The following R3HCC1L variants were observed in gnomAD, a reference collection of about 807,000 sequenced individuals.
The protein encoded by R3HCC1L is R3H domain and coiled-coil containing 1 like, also known as coiled-coil domain-containing protein R3HCC1L.
R3HCC1L carries 51 observed loss-of-function variants against 59.9 expected under a neutral mutation model. The ratio of observed to expected loss-of-function variants is 0.85; its 90% CI spans 0.68 to 1.07. The LOEUF is 1.07. Among genes scored for constraint, R3HCC1L ranks in the 50% least tolerant of loss-of-function variants. The probability of loss-of-function intolerance (pLI) is 0.00; values close to 1 mark genes in which losing one functional copy is unlikely to be tolerated. For missense variants in R3HCC1L, 965 were observed against 933.0 expected (o/e 1.03, Z -0.45); for synonymous variants, 322 against 315.2 (o/e 1.02, Z -0.23).
At position 98,234,526 on chromosome 10, in the gene R3HCC1L, C is replaced by A; in HGVS notation, c.2032+10C>A. 1 of 1,603,406 alleles carries A rather than the reference C, an allele frequency of 6.2e-7. No individual in the cohort carries two copies. Among genetic ancestry groups the A allele is most frequent in the Non-Finnish European group, 8.5e-7 (1 of 1,172,128 alleles). On this transcript the variant is annotated intron_variant, in intron 7 of 9. Coordinates refer to ENST00000298999, the MANE Select transcript of R3HCC1L (RefSeq NM_001351015.2). ...TCCAGTCCAATTACAGGTATTCACCCAGTGGCTTTCAATCTTCCTTTCTTA... is the reference window on the plus strand; with the variant it reads ...TCCAGTCCAATTACAGGTATTCACCAAGTGGCTTTCAATCTTCCTTTCTTA...
At chr10:98,188,158 C>T (rs1397927452) in intron 4 of R3HCC1L, among the ~76,000 whole-genome samples, 2 of 152,124 alleles carry the variant, frequency 1.3e-5, no homozygotes, top group Non-Finnish European at 2.9e-5. Context: ...GGCACATTTG[C>T]TTTTGTGCTC....
rs1853052059 is a variant in R3HCC1L at position 98,208,592 on chromosome 10, AG to A, written c.480del (p.Ile161TyrfsTer8). The part of the protein sequence containing the change: ...VETTDVTGHE[R>X]ILLSQACLEI... ...AACTACGGATGTGACAGGACATGAG[AG>A]GATACTTCTTTCACAGGCCTGTTTA... On this transcript the variant is annotated frameshift_variant, in exon 5 of 10. Transcript: ENST00000298999. LOFTEE classifies it high-confidence loss of function. The A allele has an allele frequency of 6.2e-7, 1 of 1,614,134 alleles. No homozygotes were observed. The highest frequency in any genetic ancestry group is 8.5e-7 in the Non-Finnish European group (1 of 1,180,020).
At chr10:98,138,427 C>T (rs1844803122) in intron 1 of R3HCC1L, among the ~76,000 whole-genome samples, 1 of 151,940 alleles carries the variant, frequency 6.6e-6, no homozygotes, top group Non-Finnish European at 1.5e-5. Flanking sequence ...CCTGGTAGCT[C>T]ACTCTTGTAC....
intron 5 of R3HCC1L, among the ~76,000 whole-genome samples, 190 bp downstream of exon 5, chr10:98,210,089 C>G (rs1853393629): frequency 6.6e-6 from 1 of 152,086 alleles, no homozygotes; most frequent in Admixed American, 6.6e-5. Flanking sequence ...TGAGCTGTAT[C>G]TATAATAGCC....
At chr10:98,169,903 T>TTTC (rs776562723) in intron 4 of R3HCC1L, among the ~76,000 whole-genome samples, 2 of 145,522 alleles carry the variant, frequency 1.4e-5, no homozygotes, top group Admixed American at 6.9e-5. Context: ...TTTTTTTTTT[T>TTTC]GGAGTGAGTG....
intron 4 of R3HCC1L, among the ~76,000 whole-genome samples, chr10:98,168,374 A>T (rs1288852297): frequency 6.6e-6 from 1 of 152,204 alleles, no homozygotes; most frequent in African/African-American, 2.4e-5. Flanking sequence ...ACTGTTTCCC[A>T]GCCTATAAAG....
chr10:98,241,537 T>G (rs1388262311), intron 9 of R3HCC1L, among the ~76,000 whole-genome samples: 2 of 152,230 alleles, frequency 1.3e-5, no homozygotes, highest in Admixed American at 6.5e-5. Flanking sequence ...CTATTTTTTC[T>G]TAATTCCTTG....
At chr10:98,232,668 A>G (rs1180390956) in intron 6 of R3HCC1L, among the ~76,000 whole-genome samples, 1 of 152,234 alleles carries the variant, frequency 6.6e-6, no homozygotes, top group Non-Finnish European at 1.5e-5. Context: ...GTGATATAAC[A>G]AATTTAAATT....
rs185314624 is a variant in R3HCC1L, at chr10:98,179,978, A to T, written c.-15+16581A>T. ...TCTTTATTAGTCTTGCTAGTGGTCT[A>T]TCAATTTTGTTGACCTTTTCAAAAA... is the stretch of plus-strand genomic sequence containing the variant. On this transcript the variant is annotated intron_variant, in intron 4 of 9. Coordinates refer to ENST00000298999, the MANE Select transcript of R3HCC1L (RefSeq NM_001351015.2). Among the ~76,000 whole-genome samples the T allele has an allele frequency of 1.1e-3, 170 of 152,230 alleles. 1 individual carries two copies. The highest frequency in any genetic ancestry group is 4.0e-3 in the African/African-American group (167 of 41,514).
intron 4 of R3HCC1L, among the ~76,000 whole-genome samples, chr10:98,203,973 CAG>C (rs1852333256): frequency 6.6e-6 from 1 of 152,136 alleles, no homozygotes; most frequent in Non-Finnish European, 1.5e-5. Flanking sequence ...GATTTTTGAA[CAG>C]AGTGCATGCT....
At chr10:98,227,782 C>T (rs928707637) in intron 5 of R3HCC1L, among the ~76,000 whole-genome samples, 1 of 146,550 alleles carries the variant, frequency 6.8e-6, no homozygotes, top group Non-Finnish European at 1.5e-5. Flanking sequence ...CTTCCTGTGT[C>T]CAAGTGTTCT....
chr10:98,138,221 A>C (rs1339163194), intron 1 of R3HCC1L, among the ~76,000 whole-genome samples: 1 of 152,000 alleles, frequency 6.6e-6, no homozygotes, highest in Non-Finnish European at 1.5e-5. Flanking sequence ...CTCTTTTTTG[A>C]TGTGGTATGC....
chr10:98,202,991 G>T (rs939787711), intron 4 of R3HCC1L, among the ~76,000 whole-genome samples: 1 of 152,144 alleles, frequency 6.6e-6, no homozygotes, highest in Non-Finnish European at 1.5e-5. Context: ...GGCACTACCT[G>T]ACCCTAACTG....
At chr10:98,243,907 C>T (rs748617480) in intron 9 of R3HCC1L, among the ~76,000 whole-genome samples, 184 bp from the exon 10 acceptor site, 5 of 152,112 alleles carry the variant, frequency 3.3e-5, no homozygotes, top group Non-Finnish European at 2.9e-5. Context: ...TAATGACTTA[C>T]AGTAGTATCA....
intron 2 of R3HCC1L, among the ~76,000 whole-genome samples, chr10:98,162,673 T>C (rs1320661051): frequency 1.6e-5 from 2 of 128,308 alleles, no homozygotes; most frequent in South Asian, 2.2e-4. Context: ...TGTGTGTGTT[T>C]GTGTGTGTGT....
rs765053075 is a variant in R3HCC1L at position 98,209,689 on chromosome 10, C to T, written c.1575C>T (p.Ala525=). 6.8e-6 allele frequency: 11 copies of T among 1,613,856 alleles called. No homozygotes were observed. Among genetic ancestry groups the T allele is most frequent in the South Asian group, 5.5e-5 (5 of 91,062 alleles). Residue 525 remains alanine (A), a synonymous_variant, in exon 5 of 10, where the codon GCC becomes GCT. Transcript: ENST00000298999. ...TTEALHELRT[A]EEFKTEEQDD... ...AAGCATTGCACGAACTAAGAACTGCCGAAGAGTTCAAAACAGAAGAGCAAG... is the reference window on the plus strand; with the variant it reads ...AAGCATTGCACGAACTAAGAACTGCTGAAGAGTTCAAAACAGAAGAGCAAG...
chr10:98,196,215 A>AT (rs1256049508), intron 4 of R3HCC1L, among the ~76,000 whole-genome samples: 1 of 152,150 alleles, frequency 6.6e-6, no homozygotes, highest in Non-Finnish European at 1.5e-5. Flanking sequence ...CTATGCCTTT[A>AT]TTACAGTTAA....
chr10:98,168,823 A>T (rs1848215355), intron 4 of R3HCC1L, among the ~76,000 whole-genome samples: 1 of 152,200 alleles, frequency 6.6e-6, no homozygotes, highest in Non-Finnish European at 1.5e-5. Context: ...CAGGGTGAGA[A>T]CTGTGTTACC....
At chr10:98,135,915 A>G (rs1344989723) in intron 1 of R3HCC1L, among the ~76,000 whole-genome samples, 2 of 152,118 alleles carry the variant, frequency 1.3e-5, no homozygotes, top group Non-Finnish European at 2.9e-5. Flanking sequence ...AAATAGCCAA[A>G]TATCCCATCT....
Sources: allele counts gnomAD v4.1 joint callset (sites outside exome capture counted in the v4.1 genomes callset), GRCh38; gene constraint gnomAD v4.1.1; transcripts MANE v1.5; gene names NCBI Gene and HGNC (gene_info 2026-07-23, HGNC 2026-07-21).